The following APLF variants were observed in gnomAD, a reference collection of about 807,000 sequenced individuals.
APLF encodes aprataxin and PNKP like factor, also known as aprataxin and PNK-like factor.
A neutral mutation model predicts 55.6 loss-of-function variants in APLF; 61 were observed. The ratio of observed to expected loss-of-function variants is 1.10; its 90% CI spans 0.89 to 1.36. APLF has a LOEUF of 1.36. APLF is among the 40% of genes most tolerant of loss of function. The pLI is 0.00. For missense variants in APLF, 611 were observed against 602.5 expected, an observed-to-expected ratio of 1.01 and a Z score of -0.15; for synonymous variants, 207 against 214.8, an observed-to-expected ratio of 0.96 and a Z score of 0.32.
intron 1 of APLF, among the ~76,000 whole-genome samples, chr2:68,483,417 TC>T (rs1309898970): frequency 1.3e-5 from 2 of 152,202 alleles, no homozygotes; most frequent in African/African-American, 4.8e-5. Context: ...GCCTTGCACC[TC>T]TTTTCATCCT....
intron 2 of APLF, among the ~76,000 whole-genome samples, chr2:68,499,369 T>C (rs536477920): frequency 5.3e-4 from 80 of 152,342 alleles, no homozygotes; most frequent in African/African-American, 1.9e-3. Context: ...TAAACTTGTC[T>C]CATTGAAGCA....
In APLF at chr2:68,494,277, C is replaced by CAAAA. The variant is rs59466460; in HGVS notation, c.168+4038_168+4041dup. On this transcript the variant is annotated intron_variant, in intron 2 of 9. Transcript: ENST00000303795. ...TAGGAGACAGAGTGAGACCCCGTCT[C>CAAAA]AAAAAAAAAAAAAAAAAAAAAAAAA... Among the ~76,000 whole-genome samples, 181 of 49,464 alleles carry CAAAA rather than the reference C, an allele frequency of 3.7e-3. 1 individual carries two copies. Among genetic ancestry groups the CAAAA allele is most frequent in the African/African-American group, 4.8e-3 (76 of 15,810 alleles). The allele number at this position is 49,464 out of a possible 152,430, so 32.5% of individuals were successfully genotyped here.
chr2:68,489,178 A>G (rs1428707763), intron 1 of APLF, among the ~76,000 whole-genome samples: 1 of 152,256 alleles, frequency 6.6e-6, no homozygotes, highest in African/African-American at 2.4e-5. Context: ...AGTGTGGAAC[A>G]GCTATCTGGT....
intron 6 of APLF, among the ~76,000 whole-genome samples, chr2:68,536,344 C>T (rs1035126150): frequency 6.6e-6 from 1 of 152,072 alleles, no homozygotes; most frequent in African/African-American, 2.4e-5. Flanking sequence ...TTTTAATGTA[C>T]TGTTTCTTAA....
intron 3 of APLF, among the ~76,000 whole-genome samples, chr2:68,510,320 G>T (rs1677007152): frequency 6.6e-6 from 1 of 151,776 alleles, no homozygotes; most frequent in African/African-American, 2.4e-5. Context: ...AATATCTAAA[G>T]AATCCTCAAC....
chr2:68,540,092 C>A (rs1395446256), intron 7 of APLF, among the ~76,000 whole-genome samples: 2 of 152,048 alleles, frequency 1.3e-5, no homozygotes, highest in Non-Finnish European at 2.9e-5. Context: ...TTTCTGTACC[C>A]ATCAACCCAT....
rs115860168 is a variant in APLF at position 68,515,742 on chromosome 2, C to T, written c.622+2062C>T. The T allele has an allele frequency of 3.1e-6, 3 of 982,468 alleles. No individual in the cohort carries two copies. In the South Asian group the frequency reaches 1.4e-4, roughly 46 times the overall value. 60.9% of individuals were successfully genotyped at this position (982,468 alleles called of 1,614,324 possible). On this transcript the variant is annotated intron_variant, in intron 5 of 9. Coordinates refer to ENST00000303795, the MANE Select transcript of APLF (RefSeq NM_173545.3). ...AGAAGAGTCTTTGGATTCAGGTAAT[C>T]TTTTTATAAACTAAGACCGTGGGAG...
At chr2:68,490,862 A>T (rs1397753730) in intron 2 of APLF, among the ~76,000 whole-genome samples, 2 of 152,212 alleles carry the variant, frequency 1.3e-5, no homozygotes, top group Admixed American at 1.3e-4. Flanking sequence ...ATTGTGTAAG[A>T]GAATGAAATA....
chr2:68,494,378 G>T (rs931143588), intron 2 of APLF, among the ~76,000 whole-genome samples: 1 of 151,800 alleles, frequency 6.6e-6, no homozygotes, highest in African/African-American at 2.4e-5. Context: ...TAGGTTTTTG[G>T]TGAAGCCTTA....
At chr2:68,472,419 G>A (rs970626740) in intron 1 of APLF, among the ~76,000 whole-genome samples, 1 of 151,712 alleles carries the variant, frequency 6.6e-6, no homozygotes, top group Non-Finnish European at 1.5e-5. Flanking sequence ...AGTAAGTCAC[G>A]TTATACAGGG....
intron 6 of APLF, among the ~76,000 whole-genome samples, chr2:68,527,057 G>C (rs1379456802): frequency 6.6e-6 from 1 of 152,040 alleles, no homozygotes; most frequent in Non-Finnish European, 1.5e-5. Context: ...CAGATGGTGA[G>C]GGGGCCGGGT....
intron 8 of APLF, among the ~76,000 whole-genome samples, chr2:68,553,128 C>T (rs551538734): frequency 6.6e-6 from 1 of 152,096 alleles, no homozygotes. Flanking sequence ...CCTGACTCCA[C>T]GACTGTTAGT....
chr2:68,538,061 C>A lies in APLF; in HGVS notation c.994C>A (p.Gln332Lys). Residue 332 changes from glutamine to lysine, a missense_variant, in exon 7 of 10, where the codon CAG (glutamine) becomes AAG (lysine). By Grantham distance (53) the Gln-to-Lys change is moderately conservative (BLOSUM62 1). Coordinates refer to ENST00000303795, the MANE Select transcript of APLF (RefSeq NM_173545.3). ...MSCSENCSSA[Q>K]GDSLQDESQG... ...CTGTTCTGAAAATTGTTCGAGTGCC[C>A]AGGGCGACTCACTTCAGGATGAGTC... The A allele has an allele frequency of 6.2e-7, 1 of 1,614,040 alleles. No individual in the cohort carries two copies. Among genetic ancestry groups the A allele is most frequent in the Non-Finnish European group, 8.5e-7 (1 of 1,179,992 alleles).
intron 2 of APLF, among the ~76,000 whole-genome samples, chr2:68,497,428 G>A (rs1031009747): frequency 6.6e-6 from 1 of 151,946 alleles, no homozygotes; most frequent in Non-Finnish European, 1.5e-5. Context: ...TTGTTTAAAA[G>A]TTTGTAGCAC....
intron 1 of APLF, among the ~76,000 whole-genome samples, chr2:68,474,529 A>G (rs1216876338): frequency 6.6e-6 from 1 of 152,200 alleles, no homozygotes; most frequent in Non-Finnish European, 1.5e-5. Context: ...TTACAATTAT[A>G]TATATCTTCC....
chr2:68,550,566 A>G (rs1670832115), intron 8 of APLF, among the ~76,000 whole-genome samples: 1 of 150,932 alleles, frequency 6.6e-6, no homozygotes. Flanking sequence ...ATATATTTTA[A>G]TTTTTTCTTT....
At chr2:68,553,829 CAG>C (rs1213610971) in intron 8 of APLF, among the ~76,000 whole-genome samples, 1 of 152,014 alleles carries the variant, frequency 6.6e-6, no homozygotes, top group Non-Finnish European at 1.5e-5. Context: ...CTTCACAAAA[CAG>C]TGTAAGAATT....
chr2:68,546,161 T>C (rs1217131464), intron 8 of APLF, among the ~76,000 whole-genome samples: 1 of 151,968 alleles, frequency 6.6e-6, no homozygotes, highest in Non-Finnish European at 1.5e-5. Flanking sequence ...ATAATCAACT[T>C]TACCAATAAA....
chr2:68,565,986 C>T lies in APLF; in HGVS notation c.1287-1355C>T, dbSNP rs370762550. Among the ~76,000 whole-genome samples, 120 of 152,142 alleles carry T rather than the reference C, an allele frequency of 7.9e-4. 1 individual carries two copies. Among genetic ancestry groups the T allele is most frequent in the African/African-American group, 2.8e-3 (117 of 41,526 alleles). ...TTAGGCTCACATTGCTCATCTGTCA[C>T]CTGGAGGAGGCAAGTATCTGCTCTG... is the stretch of plus-strand genomic sequence containing the variant. On this transcript the variant is annotated intron_variant, in intron 8 of 9. Transcript: ENST00000303795.
Sources: gnomAD v4.1 joint callset for allele counts (sites outside exome capture counted in the v4.1 genomes callset) on GRCh38, gnomAD v4.1.1 for gene constraint, MANE v1.5 for transcripts, NCBI Gene and HGNC (gene_info 2026-07-23, HGNC 2026-07-21) for gene names.